CENPC: variants seen among roughly 807,000 people sequenced by gnomAD.
CENPC encodes the protein CENP-C 1.
A neutral mutation model predicts 112.1 loss-of-function variants in CENPC; 63 were observed. That is an observed-to-expected ratio of 0.56 (90% CI 0.46 to 0.69). CENPC has a LOEUF of 0.69. CENPC is among the 30% of genes least tolerant of loss of function. The pLI is 0.00. For synonymous variants in CENPC, 333 were observed against 367.6 expected (o/e 0.91, Z 1.08); for missense variants, 1,000 against 1,103.8 (o/e 0.91, Z 1.33).
intron 9 of CENPC, among the ~76,000 whole-genome samples, chr4:67,510,128 A>C (rs907443877): frequency 6.6e-6 from 1 of 152,152 alleles, no homozygotes; most frequent in African/African-American, 2.4e-5. Flanking sequence ...ATCATGCCTC[A>C]CCTCAGACCC....
At chr4:67,539,256 G>C (rs1303190455) in intron 4 of CENPC, among the ~76,000 whole-genome samples, 2 of 152,106 alleles carry the variant, frequency 1.3e-5, no homozygotes, top group African/African-American at 2.4e-5. Flanking sequence ...GAACCAAAAG[G>C]CTACATATGT....
intron 9 of CENPC, among the ~76,000 whole-genome samples, chr4:67,509,535 T>C (rs1725837935): frequency 6.6e-6 from 1 of 152,126 alleles, no homozygotes; most frequent in Non-Finnish European, 1.5e-5. Flanking sequence ...CTCTCCCCTA[T>C]ATCTGCCTCT....
intron 14 of CENPC, 25 bp downstream of exon 14, chr4:67,493,859 A>G (rs1725353937): frequency 2.0e-6 from 3 of 1,497,130 alleles, no homozygotes; most frequent in Admixed American, 1.7e-5. Flanking sequence ...TTATTGACAG[A>G]TATTATAACA....
rs1724588557 is a variant in CENPC at position 67,469,252 on chromosome 4, G to T, written c.*3353C>A. 1 of 151,842 alleles carries T rather than the reference G, an allele frequency of 6.6e-6. No homozygotes were observed. Among genetic ancestry groups the T allele is most frequent in the East Asian group, 1.9e-4 (1 of 5,188 alleles). The allele number at this position is 151,842 out of a possible 1,614,324, so 9.4% of individuals were successfully genotyped here. ...GGGTGATGCCCACGATGGATTAATGGGTATCAAATTTGCCCTCCTCCAACA... is the reference window on the plus strand; with the variant it reads ...GGGTGATGCCCACGATGGATTAATGTGTATCAAATTTGCCCTCCTCCAACA... On this transcript the variant is annotated 3_prime_UTR_variant, in exon 19 of 19. Transcript: ENST00000273853.
chr4:67,522,855 G>A (rs554425207), intron 5 of CENPC, among the ~76,000 whole-genome samples: 1 of 152,088 alleles, frequency 6.6e-6, no homozygotes, highest in East Asian at 1.9e-4. Flanking sequence ...CAAAAATTAT[G>A]TGGGCGCAGT....
intron 1 of CENPC, 99 bp downstream of exon 1, chr4:67,545,239 T>C (rs1257047281): frequency 1.6e-6 from 2 of 1,216,938 alleles, no homozygotes; most frequent in Non-Finnish European, 2.2e-6. Flanking sequence ...CCCTCAGAGA[T>C]CACAGCCTCA....
At chr4:67,482,423 C>T (rs1407418453) in intron 17 of CENPC, among the ~76,000 whole-genome samples, 1 of 152,146 alleles carries the variant, frequency 6.6e-6, no homozygotes, top group Non-Finnish European at 1.5e-5. Flanking sequence ...AAAAGTGAGT[C>T]ATTATATGAA....
chr4:67,506,923 C>A lies in CENPC; in HGVS notation c.1916G>T (p.Ser639Ile). 2 of 1,605,806 alleles carry A rather than the reference C, an allele frequency of 1.2e-6. No individual in the cohort carries two copies. The highest frequency in any genetic ancestry group is 8.5e-7 in the Non-Finnish European group (1 of 1,176,924). ...KNLDCSRSTR[S>I]SKNEDNIMTA... is the part of the protein sequence containing the mutation. The stretch of plus-strand genomic sequence containing the variant: ...CATAATGTTATCTTCATTCTTTGAG[C>A]TTCTTGTAGATCTATAAAAATGATA... Residue 639 changes from serine (S) to isoleucine (I), a missense_variant, in exon 11 of 19, where the codon AGC becomes ATC. Ser to Ile is a moderately radical substitution (Grantham distance 142, BLOSUM62 -2). Coordinates refer to ENST00000273853, the MANE Select transcript of CENPC (RefSeq NM_001812.4).
chr4:67,512,870 T>A (rs1374561360), intron 8 of CENPC, among the ~76,000 whole-genome samples: 1 of 152,106 alleles, frequency 6.6e-6, no homozygotes, highest in Admixed American at 6.6e-5. Flanking sequence ...TCCTATAACG[T>A]CCTAAGTAAA....
At chr4:67,496,602 T>A (rs1181777641) in intron 12 of CENPC, among the ~76,000 whole-genome samples, 1 of 152,204 alleles carries the variant, frequency 6.6e-6, no homozygotes, top group African/African-American at 2.4e-5. Context: ...AGATATTTTA[T>A]AAAATTGCTG....
At chr4:67,491,989 G>T (rs113123013) in intron 16 of CENPC, among the ~76,000 whole-genome samples, 191 bp downstream of exon 16, 1 of 152,104 alleles carries the variant, frequency 6.6e-6, no homozygotes, top group Non-Finnish European at 1.5e-5. Context: ...GTGTCCCCTG[G>T]AGCTGTCTGA....
rs762129744 is a variant in CENPC, at chr4:67,514,297, T to G, written c.1221A>C (p.Ala407=). The change falls in exon 8 of 19, where the codon GCA becomes GCC. Residue 407 remains alanine (A), a synonymous_variant. Transcript: ENST00000273853. ...STKYEMYSKN[A]EKPSRSKRTI... ...TCCTTTTGCTTCTAGATGGTTTTTCTGCATTCTTGGAATACATTTCATATT... is the reference window on the plus strand; with the variant it reads ...TCCTTTTGCTTCTAGATGGTTTTTCGGCATTCTTGGAATACATTTCATATT... 3 of 1,610,154 alleles carry G rather than the reference T, an allele frequency of 1.9e-6. No homozygotes were observed. The highest frequency in any genetic ancestry group is 2.2e-5 in the South Asian group (2 of 90,758).
At chr4:67,538,564 A>C (rs1726792956) in intron 4 of CENPC, among the ~76,000 whole-genome samples, 1 of 152,218 alleles carries the variant, frequency 6.6e-6, no homozygotes, top group Non-Finnish European at 1.5e-5. Flanking sequence ...GAGGAGCCAA[A>C]GCTGAGGATT....
At position 67,492,956 on chromosome 4, in the gene CENPC, A is replaced by G. The variant is rs1466301121; in HGVS notation, c.2332T>C (p.Ser778Pro). 4 of 1,552,488 alleles carry G rather than the reference A, an allele frequency of 2.6e-6. No homozygotes were observed. The African/African-American group carries it at 4.1e-5, about 16-fold the overall frequency. Reference sequence around the variant, plus strand: ...TTTTCTTTTGCCTTCCTTTTAGACGATATTGTGTCTGGAGATAGTACTCCA... The same window carrying G: ...TTTTCTTTTGCCTTCCTTTTAGACGGTATTGTGTCTGGAGATAGTACTCCA... ...ISGVLSPDTI[S>P]SKRKAKENIG... The change falls in exon 15 of 19, where the codon TCG (serine) becomes CCG (proline). Residue 778 changes from serine (S) to proline (P), a missense_variant. Physicochemically the swap from Ser to Pro is moderately conservative, Grantham distance 74 (BLOSUM62 -1). Coordinates refer to ENST00000273853, the MANE Select transcript of CENPC (RefSeq NM_001812.4).
chr4:67,517,710 T>C (rs1577995309), intron 7 of CENPC, among the ~76,000 whole-genome samples: 1 of 151,802 alleles, frequency 6.6e-6, no homozygotes, highest in South Asian at 2.1e-4. Context: ...TGGTGGCAGG[T>C]GCCTGTGATC....
In CENPC at chr4:67,512,437, C is replaced by T. The variant is rs566998752; in HGVS notation, c.1577G>A (p.Arg526His). The T allele has an allele frequency of 7.5e-6, 12 of 1,600,194 alleles. No individual in the cohort carries two copies. Among genetic ancestry groups the T allele is most frequent in the South Asian group, 1.1e-5 (1 of 87,858 alleles). Residue 526 changes from arginine (R) to histidine (H), a missense_variant, in exon 9 of 19, where the codon CGT (arginine) becomes CAT (histidine). Physicochemically the swap from Arg to His is conservative, Grantham distance 29. Transcript: ENST00000273853. Reference sequence around the variant, plus strand: ...TTTTACCACCCACCAATCAGATGGACGCCTGGAAATTCTTCGACTTTTCGT... The same window carrying T: ...TTTTACCACCCACCAATCAGATGGATGCCTGGAAATTCTTCGACTTTTCGT... The part of the protein sequence containing the change: ...TVTKSRRISR[R>H]PSDWWVVKSE...
At chr4:67,534,607 T>A (rs375005911) in intron 4 of CENPC, among the ~76,000 whole-genome samples, 1 of 152,172 alleles carries the variant, frequency 6.6e-6, no homozygotes, top group African/African-American at 2.4e-5. Context: ...CTGACTGAAA[T>A]TGAAAACAAT....
chr4:67,537,260 T>C (rs1242892514), intron 4 of CENPC, among the ~76,000 whole-genome samples: 1 of 152,126 alleles, frequency 6.6e-6, no homozygotes, highest in East Asian at 1.9e-4. Context: ...TTAAGTAAAA[T>C]CTAAATCTTT....
chr4:67,490,228 CT>C, intron 16 of CENPC, 107 bp from the exon 17 acceptor site: 1 of 730,096 alleles, frequency 1.4e-6, no homozygotes, highest in Non-Finnish European at 2.0e-6. Context: ...ATAAATCTGC[CT>C]TAGAGAGTTG....
Sources: allele counts gnomAD v4.1 joint callset (sites outside exome capture counted in the v4.1 genomes callset), GRCh38; gene constraint gnomAD v4.1.1; transcripts MANE v1.5; gene names NCBI Gene and HGNC (gene_info 2026-07-23, HGNC 2026-07-21).